The following MGME1 variants were observed in gnomAD, a reference collection of about 807,000 sequenced individuals.
MGME1 encodes mitochondrial genome maintenance exonuclease 1, also known as chromosome 20 open reading frame 72.
In MGME1, 22 loss-of-function variants were observed where a neutral mutation model predicts 33.0. The observed-to-expected ratio is 0.67, with a 90% CI of 0.48 to 0.95. The LOEUF is 0.95. Ranked by LOEUF, MGME1 falls within the 40% of genes least tolerant of loss-of-function variation. The pLI, the probability that MGME1 is intolerant of heterozygous loss-of-function variation, is 0.00. For missense variants in MGME1, 383 were observed against 397.8 expected (o/e 0.96, Z 0.32); for synonymous variants, 133 against 144.0 (o/e 0.92, Z 0.55).
chr20:17,982,748 G>A (rs2036055046), intron 3 of MGME1, among the ~76,000 whole-genome samples: 2 of 152,022 alleles, frequency 1.3e-5, no homozygotes, highest in Non-Finnish European at 2.9e-5. Flanking sequence ...TTTAATTTGG[G>A]TTTACGCTAC....
At position 17,990,170 on chromosome 20, in the gene MGME1, T is replaced by C; in HGVS notation, c.*61T>C. ...CTCACAGTTTGGGAACATATATTGC[T>C]GTTTACTCCAGTGTAAAAATGAGGT... On this transcript the variant is annotated 3_prime_UTR_variant, in exon 5 of 5. Coordinates refer to ENST00000377710, the MANE Select transcript of MGME1 (RefSeq NM_052865.4). The C allele has an allele frequency of 1.4e-6, 2 of 1,445,466 alleles. No individual in the cohort carries two copies. Among genetic ancestry groups the C allele is most frequent in the Non-Finnish European group, 1.9e-6 (2 of 1,028,486 alleles). The allele number at this position is 1,445,466 out of a possible 1,614,324, so 89.5% of individuals were successfully genotyped here.
chr20:17,979,228 A>G (rs2035942955), intron 3 of MGME1, among the ~76,000 whole-genome samples: 2 of 150,450 alleles, frequency 1.3e-5, no homozygotes, highest in South Asian at 2.1e-4. Context: ...AGATGCGAAC[A>G]ACCACGCCCA....
chr20:17,988,477 A>G (rs2036209392), intron 4 of MGME1, among the ~76,000 whole-genome samples, 179 bp downstream of exon 4: 1 of 152,046 alleles, frequency 6.6e-6, no homozygotes, highest in Non-Finnish European at 1.5e-5. Flanking sequence ...CCCTGTCTTT[A>G]CCAAAAATAC....
chr20:17,987,888 T>C (rs1024928570), intron 3 of MGME1, among the ~76,000 whole-genome samples: 1 of 151,286 alleles, frequency 6.6e-6, no homozygotes, highest in South Asian at 2.1e-4. Flanking sequence ...CACTGGTTAT[T>C]TGATGCAAAA....
At chr20:17,977,434 A>C (rs534160159) in intron 3 of MGME1, among the ~76,000 whole-genome samples, 1 of 152,018 alleles carries the variant, frequency 6.6e-6, no homozygotes, top group African/African-American at 2.4e-5. Context: ...TGCAGTGCAA[A>C]GTAAAAGCAG....
At chr20:17,968,780 C>T (rs1410470755), upstream of MGME1, 5 of 314,524 alleles carry the variant, frequency 1.6e-5, no homozygotes, top group Admixed American at 1.6e-4. Context: ...CCCAGCAAGA[C>T]GCGTCTAGAG....
chr20:17,982,395 C>T (rs1468555958), intron 3 of MGME1, among the ~76,000 whole-genome samples: 1 of 152,230 alleles, frequency 6.6e-6, no homozygotes, highest in Non-Finnish European at 1.5e-5. Context: ...GCTGGGATTA[C>T]AGACATGAGC....
chr20:17,970,419 A>G, intron 2 of MGME1, 49 bp downstream of exon 2: 3 of 1,530,988 alleles, frequency 2.0e-6, no homozygotes, highest in Non-Finnish European at 2.6e-6. Context: ...TTTCTATAAT[A>G]GAGAGCAACG....
In MGME1 at chr20:17,989,970, A is replaced by G; in HGVS notation, c.896A>G (p.Lys299Arg). The G allele has an allele frequency of 6.2e-7, 1 of 1,614,154 alleles. No individual in the cohort carries two copies. Among genetic ancestry groups the G allele is most frequent in the Non-Finnish European group, 8.5e-7 (1 of 1,180,028 alleles). Residue 299 changes from lysine (K) to arginine (R), a missense_variant, in exon 5 of 5, where the codon AAA becomes AGA. Coordinates refer to ENST00000377710, the MANE Select transcript of MGME1 (RefSeq NM_052865.4). The stretch of plus-strand genomic sequence containing the variant: ...TGTGGCTTAATTGTGGTGGCCTACA[A>G]AGATGGATCACCTGCCCACCCACAT... Reference protein sequence around the residue: ...VQCGLIVVAYKDGSPAHPHFM... With the variant: ...VQCGLIVVAYRDGSPAHPHFM...
chr20:17,973,440 G>A (rs1037425233), intron 2 of MGME1, among the ~76,000 whole-genome samples: 3 of 152,146 alleles, frequency 2.0e-5, no homozygotes, highest in Non-Finnish European at 4.4e-5. Context: ...TTGAGGCCAG[G>A]TGTTTAAGAC....
At chr20:17,988,367 C>T (rs1029172952) in intron 4 of MGME1, 69 bp downstream of exon 4, 13 of 1,533,308 alleles carry the variant, frequency 8.5e-6, no homozygotes, top group Non-Finnish European at 8.8e-6. Context: ...CCGGGCCGGG[C>T]GCAGTGGCTC....
At chr20:17,968,691 G>A (rs1456140533), upstream of MGME1, 1 of 561,720 alleles carries the variant, frequency 1.8e-6, no homozygotes, top group Non-Finnish European at 3.2e-6. Context: ...GACGCCACGT[G>A]GGGCCTACCC....
At position 17,988,396 on chromosome 20, in the gene MGME1, C is replaced by T. The variant is rs183265286; in HGVS notation, c.864+98C>T. The T allele has an allele frequency of 3.0e-6, 4 of 1,332,122 alleles. No individual in the cohort carries two copies. In the Admixed American group the frequency reaches 9.0e-5, roughly 30 times the overall value. The allele number at this position is 1,332,122 out of a possible 1,614,324, so 82.5% of individuals were successfully genotyped here. ...GTGGCTCATGCCTGTAATCCTAGCA[C>T]TTTGGGAGGCCAAGGCCGGTGGATC... On this transcript the variant is annotated intron_variant, in intron 4 of 4. Transcript: ENST00000377710.
intron 3 of MGME1, among the ~76,000 whole-genome samples, chr20:17,985,361 T>G (rs1193571598): frequency 6.6e-6 from 1 of 152,190 alleles, no homozygotes; most frequent in East Asian, 1.9e-4. Context: ...AGGTGGAGGT[T>G]GCAGTGAGCC....
At chr20:17,979,005 G>A (rs1033114159) in intron 3 of MGME1, among the ~76,000 whole-genome samples, 2 of 151,296 alleles carry the variant, frequency 1.3e-5, no homozygotes, top group Non-Finnish European at 2.9e-5. Flanking sequence ...CTCGAGCTCC[G>A]GGCCTTGAGT....
At chr20:17,989,829 G>A (rs907978475) in intron 4 of MGME1, 110 bp from the exon 5 acceptor site, 8 of 954,728 alleles carry the variant, frequency 8.4e-6, no homozygotes, top group Non-Finnish European at 1.1e-5. Context: ...TGAGTTAGGA[G>A]ATATCCTGTA....
chr20:17,988,489 A>T (rs550625270), intron 4 of MGME1, among the ~76,000 whole-genome samples, 191 bp downstream of exon 4: 1 of 152,170 alleles, frequency 6.6e-6, no homozygotes, highest in Non-Finnish European at 1.5e-5. Flanking sequence ...CAAAAATACA[A>T]AAACTAGCTG....
At position 17,970,338 on chromosome 20, in the gene MGME1, T is replaced by G. The variant is rs1285764585; in HGVS notation, c.479T>G (p.Leu160Arg). ...TGGAAACAGCGGATGATTCTGGAAC[T>G]GGGAGAAGATGGCTTTAAAGAATAC... ...ERWKQRMILE[L>R]GEDGFKEYTS... Residue 160 changes from leucine to arginine, a missense_variant, in exon 2 of 5, where the codon CTG becomes CGG. By Grantham distance (102) the Leu-to-Arg change is moderately radical (BLOSUM62 -2). Coordinates refer to ENST00000377710, the MANE Select transcript of MGME1 (RefSeq NM_052865.4). 1 of 1,613,534 alleles carries G rather than the reference T, an allele frequency of 6.2e-7. No individual in the cohort carries two copies. Among genetic ancestry groups the G allele is most frequent in the East Asian group, 2.2e-5 (1 of 44,902 alleles).
At chr20:17,987,487 G>A (rs1457097030) in intron 3 of MGME1, among the ~76,000 whole-genome samples, 1 of 151,978 alleles carries the variant, frequency 6.6e-6, no homozygotes, top group Non-Finnish European at 1.5e-5. Flanking sequence ...TCATTTGTTA[G>A]TTGATTACAT....
Sources: gnomAD v4.1 joint callset for allele counts (sites outside exome capture counted in the v4.1 genomes callset) on GRCh38, gnomAD v4.1.1 for gene constraint, MANE v1.5 for transcripts, NCBI Gene and HGNC (gene_info 2026-07-23, HGNC 2026-07-21) for gene names.